The following KRI1 variants were observed in gnomAD, a reference collection of about 807,000 sequenced individuals.
The protein encoded by KRI1 is protein KRI1 homolog.
Under a neutral mutation model 97.0 loss-of-function variants are expected in KRI1, and 83 were observed. The observed-to-expected ratio is 0.86, with a 90% CI of 0.72 to 1.03. KRI1 has a LOEUF of 1.03. Ranked by LOEUF, KRI1 falls within the 50% of genes least tolerant of loss-of-function variation. The pLI is 0.00. For missense variants in KRI1, 916 were observed against 928.4 expected (o/e 0.99, Z 0.17); for synonymous variants, 371 against 363.5 (o/e 1.02, Z -0.23).
In KRI1 at chr19:10,562,327, G is replaced by A. The variant is rs1916727309; in HGVS notation, c.383+402C>T. On this transcript the variant is annotated intron_variant, in intron 4 of 18. Coordinates refer to ENST00000312962, the MANE Select transcript of KRI1 (RefSeq NM_023008.5). ...AGCCTCCCAAGGTGCTGGTATTACA[G>A]GCATGAGCCACCATGCCCGGCCTTT... Among the ~76,000 whole-genome samples the A allele has an allele frequency of 2.0e-5, 3 of 152,098 alleles. No homozygotes were observed. The South Asian group carries it at 6.2e-4, about 32-fold the overall frequency.
In KRI1 at chr19:10,560,382, T is replaced by G. The variant is rs1470029348; in HGVS notation, c.730A>C (p.Ile244Leu). ...DEGERFLRDY[I>L]LNKRYEEEEE... The stretch of plus-strand genomic sequence containing the variant: ...TCCTCCTCATAGCGTTTGTTGAGGA[T>G]GTAATCCCGCAGGAACCGCTCCCCT... Residue 244 changes from isoleucine to leucine, a missense_variant, in exon 9 of 19, where the codon ATC becomes CTC. By Grantham distance (5) the Ile-to-Leu change is conservative (BLOSUM62 2). Around this residue, in one of 3 missense-constraint regions of KRI1, gnomAD observed 672 missense variants for 667.2 expected, o/e 1.01. Transcript: ENST00000312962. The G allele has an allele frequency of 2.5e-6, 4 of 1,613,686 alleles. No individual in the cohort carries two copies. Among genetic ancestry groups the G allele is most frequent in the Non-Finnish European group, 3.4e-6 (4 of 1,179,908 alleles).
At chr19:10,560,065 C>T in intron 9 of KRI1, 129 bp from the exon 10 acceptor site, 1 of 1,267,782 alleles carries the variant, frequency 7.9e-7, no homozygotes, top group Non-Finnish European at 1.1e-6. Flanking sequence ...GTGCACGCTG[C>T]TATTGTCCTC....
intron 2 of KRI1, chr19:10,565,360 G>GC: frequency 3.8e-6 from 2 of 530,836 alleles, no homozygotes; most frequent in Non-Finnish European, 6.7e-6. Context: ...GCACAGTGGG[G>GC]CCAGGATCAG....
rs192742841 is a variant in KRI1, at chr19:10,558,276, C to G, written c.1195-37G>C. On this transcript the variant is annotated intron_variant, in intron 12 of 18. Coordinates refer to ENST00000312962, the MANE Select transcript of KRI1 (RefSeq NM_023008.5). ...GGGCTGGCGGTTACCAGAGCCCACTCGAGACATAGGAGCTGAGCCCCCTAC... is the reference window on the plus strand; with the variant it reads ...GGGCTGGCGGTTACCAGAGCCCACTGGAGACATAGGAGCTGAGCCCCCTAC... The G allele has an allele frequency of 2.9e-5, 46 of 1,604,202 alleles. No homozygotes were observed. In the African/African-American group the frequency reaches 4.7e-4, roughly 16 times the overall value.
chr19:10,560,088 G>T (rs1480994750), intron 9 of KRI1, 152 bp from the exon 10 acceptor site: 2 of 1,233,074 alleles, frequency 1.6e-6, no homozygotes, highest in Non-Finnish European at 2.2e-6. Flanking sequence ...TTTACAGATG[G>T]GGAAACTGAG....
rs1916628897 is a variant in KRI1 at position 10,559,649 on chromosome 19, C to T, written c.987G>A (p.Lys329=). Residue 329 remains lysine, a synonymous_variant, in exon 11 of 19, where the codon AAG becomes AAA. Transcript: ENST00000312962. ...GCTCCCGAGTCTCTTCCCTCTTCTC[C>T]TTTCTGCGCTCATCCTTACGGCGCA... The part of the protein sequence containing the change: ...SSVRRKDERR[K]EKREETRERK... The T allele has an allele frequency of 1.2e-6, 2 of 1,614,060 alleles. No individual in the cohort carries two copies. The highest frequency in any genetic ancestry group is 4.5e-5 in the East Asian group (2 of 44,868).
At chr19:10,564,437 G>C (rs1916798167) in intron 3 of KRI1, among the ~76,000 whole-genome samples, 1 of 151,260 alleles carries the variant, frequency 6.6e-6, no homozygotes, top group Non-Finnish European at 1.5e-5. Context: ...CCCAGCCTGG[G>C]CAACAAGAGT....
intron 3 of KRI1, among the ~76,000 whole-genome samples, chr19:10,563,458 G>C (rs1916760896): frequency 6.6e-6 from 1 of 151,796 alleles, no homozygotes; most frequent in South Asian, 2.1e-4. Context: ...CGATTCCCCT[G>C]CCTCAGCCTC....
intron 15 of KRI1, 41 bp downstream of exon 15, chr19:10,557,728 G>A (rs768538474): frequency 3.7e-6 from 6 of 1,614,020 alleles, no homozygotes; most frequent in South Asian, 1.1e-5. Flanking sequence ...AGGCCCCGCG[G>A]TGCCCCCTGC....
intron 16 of KRI1, 51 bp from the exon 17 acceptor site, chr19:10,555,400 C>G (rs1916476595): frequency 6.3e-7 from 1 of 1,597,384 alleles, no homozygotes; most frequent in African/African-American, 1.3e-5. Context: ...CCAGGCGGGG[C>G]CTTCCCTGAG....
In KRI1 at chr19:10,558,159, C is replaced by G; in HGVS notation, c.1270+5G>C. ...TCCCCAGCCCAGTGCCCCAGCTGAT[C>G]TCACCTTCAAGCCCTTCTTCTTCCT... On this transcript the variant is annotated splice_donor_5th_base_variant and intron_variant, in intron 13 of 18. Coordinates refer to ENST00000312962, the MANE Select transcript of KRI1 (RefSeq NM_023008.5). 1.2e-6 allele frequency: 2 copies of G among 1,614,134 alleles called. No homozygotes were observed. Among genetic ancestry groups the G allele is most frequent in the South Asian group, 2.2e-5 (2 of 91,088 alleles).
In KRI1 at chr19:10,562,831, G is replaced by A. The variant is rs771466571; in HGVS notation, c.281C>T (p.Ser94Leu). The change falls in exon 4 of 19, where the codon TCA becomes TTA. Residue 94 changes from serine (S) to leucine (L), a missense_variant. Transcript: ENST00000312962. ...TTCTGGGTCCTCCTCACTGTCTGAT[G>A]ACGATGCTGTTAACCCACCAAAGAC... is the stretch of plus-strand genomic sequence containing the variant. ...DATFYNRTAS[S>L]SDSEEDPEAL... 1.2e-6 allele frequency: 2 copies of A among 1,606,258 alleles called. No individual in the cohort carries two copies. Among genetic ancestry groups the A allele is most frequent in the Non-Finnish European group, 1.7e-6 (2 of 1,172,910 alleles).
In KRI1 at chr19:10,557,904, A is replaced by T. The variant is rs1470049222; in HGVS notation, c.1360-9T>A. On this transcript the variant is annotated splice_polypyrimidine_tract_variant and intron_variant, in intron 14 of 18. Coordinates refer to ENST00000312962, the MANE Select transcript of KRI1 (RefSeq NM_023008.5). Reference sequence around the variant, plus strand: ...TCGTAGTCGGCGTCCATCTGCCAGGACGCACAGGTCAGATCCCACCAGCCC... The same window carrying T: ...TCGTAGTCGGCGTCCATCTGCCAGGTCGCACAGGTCAGATCCCACCAGCCC... 6.2e-7 allele frequency: 1 copy of T among 1,613,596 alleles called. No individual in the cohort carries two copies. Among genetic ancestry groups the T allele is most frequent in the Middle Eastern group, 1.7e-4 (1 of 6,058 alleles).
rs1186204969 is a variant in KRI1 at position 10,565,889 on chromosome 19, A to C, written c.94+17T>G. On this transcript the variant is annotated intron_variant, in intron 1 of 18. Coordinates refer to ENST00000312962, the MANE Select transcript of KRI1 (RefSeq NM_023008.5). Reference sequence around the variant, plus strand: ...CCGGCGCGCGCAGGCTCCCGCGCGCATGCGCCCCGCACTCACGCCGCTGCA... The same window carrying C: ...CCGGCGCGCGCAGGCTCCCGCGCGCCTGCGCCCCGCACTCACGCCGCTGCA... 6.5e-6 allele frequency: 10 copies of C among 1,532,324 alleles called. No individual in the cohort carries two copies. The highest frequency in any genetic ancestry group is 8.8e-6 in the Non-Finnish European group (10 of 1,139,082). 94.9% of individuals were successfully genotyped at this position (1,532,324 alleles called of 1,614,324 possible).
intron 5 of KRI1, 28 bp downstream of exon 5, chr19:10,561,763 C>A (rs747988450): frequency 6.2e-7 from 1 of 1,613,930 alleles, no homozygotes; most frequent in African/African-American, 1.3e-5. Context: ...GCCCCTCAGC[C>A]CCCCGACCCA....
At position 10,560,003 on chromosome 19, in the gene KRI1, G is replaced by A. The variant is rs1303541802; in HGVS notation, c.801-67C>T. 9.6e-6 allele frequency: 15 copies of A among 1,569,816 alleles called. No homozygotes were observed. The East Asian group carries it at 1.6e-4, about 17-fold the overall frequency. ...GAGGTCGAGCCCCCCTTTCCTGCAC[G>A]CCTGGGTACGAAGCGTATGAACTCA... On this transcript the variant is annotated intron_variant, in intron 9 of 18. Coordinates refer to ENST00000312962, the MANE Select transcript of KRI1 (RefSeq NM_023008.5).
At chr19:10,560,498 G>A in intron 8 of KRI1, 50 bp from the exon 9 acceptor site, 1 of 1,388,728 alleles carries the variant, frequency 7.2e-7, no homozygotes, top group Non-Finnish European at 1.0e-6. Context: ...CAGGGAAGGA[G>A]GGCAGGCATG....
Position 10,560,450 on chromosome 19 carries a change from T to C in KRI1, c.664-2A>G, listed in dbSNP as rs745819362. 3 of 1,606,062 alleles carry C rather than the reference T, an allele frequency of 1.9e-6. No homozygotes were observed. The highest frequency in any genetic ancestry group is 1.3e-5 in the African/African-American group (1 of 74,800). Reference sequence around the variant, plus strand: ...GTTCCAGTATTCCTTGAGATGCGTCTGGGGGTGACAGGAGACAGGACTCTG... The same window carrying C: ...GTTCCAGTATTCCTTGAGATGCGTCCGGGGGTGACAGGAGACAGGACTCTG... On this transcript the variant is annotated splice_acceptor_variant, in intron 8 of 18. Transcript: ENST00000312962. LOFTEE classifies it high-confidence loss of function.
At position 10,565,955 on chromosome 19, in the gene KRI1, C is replaced by G. The variant is rs1029910358; in HGVS notation, c.45G>C (p.Ala15=). The change falls in exon 1 of 19, where the codon GCG becomes GCC. Residue 15 remains alanine, a synonymous_variant. Coordinates refer to ENST00000312962, the MANE Select transcript of KRI1 (RefSeq NM_023008.5). ...RGSSQLRVNA[A]FAARYNRYRE... ...GGTAGCGGTTGTACCGCGCGGCAAA[C>G]GCCGCGTTCACCCGCAGCTGCGACG... The G allele has an allele frequency of 1.3e-6, 2 of 1,528,806 alleles. No individual in the cohort carries two copies. The highest frequency in any genetic ancestry group is 2.0e-5 in the Admixed American group (1 of 49,784). 94.7% of individuals were successfully genotyped at this position (1,528,806 alleles called of 1,614,324 possible).
Sources: allele counts gnomAD v4.1 joint callset (sites outside exome capture counted in the v4.1 genomes callset), GRCh38; gene constraint gnomAD v4.1.1; regional missense constraint gnomAD v4.1.1; transcripts MANE v1.5; gene names NCBI Gene and HGNC (gene_info 2026-07-23, HGNC 2026-07-21).